The following HEATR3 variants were observed in gnomAD, a reference collection of about 807,000 sequenced individuals.
HEATR3 encodes the protein HEAT repeat-containing protein 3.
A neutral mutation model predicts 72.8 loss-of-function variants in HEATR3; 56 were observed. The observed-to-expected ratio is 0.77, with a 90% CI of 0.62 to 0.96. HEATR3 has a LOEUF of 0.96. Among genes scored for constraint, HEATR3 ranks in the 40% least tolerant of loss-of-function variants. The probability of loss-of-function intolerance (pLI) is 0.00; values close to 1 mark genes in which losing one functional copy is unlikely to be tolerated. For missense variants in HEATR3, 747 were observed against 831.4 expected, an observed-to-expected ratio of 0.90 and a Z score of 1.25; for synonymous variants, 331 against 318.1, an observed-to-expected ratio of 1.04 and a Z score of -0.43.
intron 14 of HEATR3, among the ~76,000 whole-genome samples, chr16:50,104,334 CAG>C (rs779602998): frequency 1.3e-5 from 2 of 152,084 alleles, no homozygotes; most frequent in African/African-American, 2.4e-5. Flanking sequence ...GCCTGGGCGA[CAG>C]AGAGAGACCC....
intron 7 of HEATR3, chr16:50,080,372 C>T (rs1225802706): frequency 3.5e-5 from 5 of 144,620 alleles, no homozygotes; most frequent in Non-Finnish European, 7.5e-5. Context: ...GACAGTTTTG[C>T]TTTTGTTGCC....
At chr16:50,089,501 G>A (rs62029883) in intron 11 of HEATR3, among the ~76,000 whole-genome samples, 11,781 of 152,114 alleles carry the variant, frequency 0.077, 547 homozygotes, top group Middle Eastern at 0.14. Context: ...GCCCATACTC[G>A]TATCCCATCT....
Position 50,082,380 on chromosome 16 carries a change from G to A in HEATR3, c.1042-1557G>A, listed in dbSNP as rs368016638. On this transcript the variant is annotated intron_variant, in intron 7 of 14. Coordinates refer to ENST00000299192, the MANE Select transcript of HEATR3 (RefSeq NM_182922.4). ...ATAAAAAAGAATAAGCCAGATTTTCGTATATTTTAAGTGAATGAGAGCCCA... is the reference window on the plus strand; with the variant it reads ...ATAAAAAAGAATAAGCCAGATTTTCATATATTTTAAGTGAATGAGAGCCCA... Among the ~76,000 whole-genome samples, 16 of 151,992 alleles carry A rather than the reference G, an allele frequency of 1.1e-4. No individual in the cohort carries two copies. In the East Asian group the frequency reaches 1.7e-3, roughly 17 times the overall value.
chr16:50,097,943 C>T (rs11076512), intron 12 of HEATR3, among the ~76,000 whole-genome samples: 1 of 149,018 alleles, frequency 6.7e-6, no homozygotes, highest in African/African-American at 2.5e-5. Flanking sequence ...AAAAAAAAAC[C>T]CTGGAATTAG....
At chr16:50,084,366 A>G (rs1450718826) in intron 9 of HEATR3, 75 bp downstream of exon 9, 6 of 1,512,846 alleles carry the variant, frequency 4.0e-6, no homozygotes, top group Non-Finnish European at 5.4e-6. Flanking sequence ...TGTGTACAAA[A>G]GAAGCAAGCT....
chr16:50,072,776 C>T, intron 5 of HEATR3, 62 bp downstream of exon 5: 1 of 1,007,246 alleles, frequency 9.9e-7, no homozygotes, highest in Non-Finnish European at 1.6e-6. Context: ...AATTTTTATG[C>T]AGCTTTGGCG....
At position 50,088,272 on chromosome 16, in the gene HEATR3, T is replaced by G. The variant is rs190373999; in HGVS notation, c.1510+1921T>G. 8.3e-4 allele frequency among the ~76,000 whole-genome samples: 126 copies of G among 152,356 alleles called. 1 individual carries two copies. Among genetic ancestry groups the G allele is most frequent in the Non-Finnish European group, 3.5e-4 (24 of 68,038 alleles). ...GTGCTGTGTGTTTAATGGTACATGTTTTTTAAGTTCTAAATTAATCTTTAA... is the reference window on the plus strand; with the variant it reads ...GTGCTGTGTGTTTAATGGTACATGTGTTTTAAGTTCTAAATTAATCTTTAA... On this transcript the variant is annotated intron_variant, in intron 11 of 14. Transcript: ENST00000299192.
At chr16:50,094,351 C>G (rs1002520216) in intron 11 of HEATR3, among the ~76,000 whole-genome samples, 1 of 152,158 alleles carries the variant, frequency 6.6e-6, no homozygotes, top group Non-Finnish European at 1.5e-5. Context: ...TACCCAGCAC[C>G]CTGATGGAGA....
At chr16:50,104,265 A>T (rs1429738156) in intron 14 of HEATR3, among the ~76,000 whole-genome samples, 3 of 152,150 alleles carry the variant, frequency 2.0e-5, no homozygotes, top group Non-Finnish European at 4.4e-5. Context: ...AGGCAGGAGG[A>T]TCACTTGCGT....
At chr16:50,100,573 A>T in intron 13 of HEATR3, 200 bp downstream of exon 13, 1 of 525,728 alleles carries the variant, frequency 1.9e-6, no homozygotes, top group Non-Finnish European at 3.3e-6. Context: ...TGAAAAGTTG[A>T]GCCACATTTT....
chr16:50,101,767 A>T (rs1597181694), intron 13 of HEATR3, among the ~76,000 whole-genome samples: 1 of 152,064 alleles, frequency 6.6e-6, no homozygotes, highest in African/African-American at 2.4e-5. Flanking sequence ...TTTTTTAGAG[A>T]TGAGGTCTTG....
intron 6 of HEATR3, among the ~76,000 whole-genome samples, chr16:50,076,252 C>T (rs72796144): frequency 0.016 from 2,459 of 151,836 alleles, 23 homozygotes; most frequent in Non-Finnish European, 0.02. Context: ...GGCTGGAGTG[C>T]GGTGGCTGGC....
chr16:50,067,689 C>T (rs2036529701), intron 2 of HEATR3, among the ~76,000 whole-genome samples: 2 of 152,180 alleles, frequency 1.3e-5, no homozygotes, highest in Admixed American at 1.3e-4. Context: ...AGAGAATGGA[C>T]TGCAGAGGGG....
rs1322277263 is a variant in HEATR3 at position 50,078,851 on chromosome 16, G to A, written c.874G>A (p.Val292Ile). The A allele has an allele frequency of 1.2e-6, 2 of 1,613,992 alleles. No homozygotes were observed. The highest frequency in any genetic ancestry group is 1.7e-6 in the Non-Finnish European group (2 of 1,180,022). Residue 292 changes from valine (V) to isoleucine (I), a missense_variant, in exon 7 of 15, where the codon GTT becomes ATT. This residue lies in a region of HEATR3 where 586 missense variants were observed against 708.8 expected (regional missense o/e 0.83). Coordinates refer to ENST00000299192, the MANE Select transcript of HEATR3 (RefSeq NM_182922.4). ...EVLGMDAGEM[V>I]IQMKEAETQR... ...TTTGGGAATGGATGCTGGTGAAATG[G>A]TTATTCAAATGAAAGAGGCTGAAAC...
chr16:50,084,985 G>A (rs1376307676), intron 10 of HEATR3, among the ~76,000 whole-genome samples: 1 of 152,126 alleles, frequency 6.6e-6, no homozygotes, highest in African/African-American at 2.4e-5. Context: ...AACTTACATT[G>A]TTGAACCAAA....
In HEATR3 at chr16:50,066,279, G is replaced by A. The variant is rs750443791; in HGVS notation, c.138+10G>A. The A allele has an allele frequency of 3.2e-6, 5 of 1,574,292 alleles. No homozygotes were observed. The highest frequency in any genetic ancestry group is 1.1e-5 in the South Asian group (1 of 87,232). ...GGAGCTGCTGGAAAAGGTGAGGCGA[G>A]GGCTCCGTCGGGCCGGGAGGCGAGA... On this transcript the variant is annotated intron_variant, in intron 1 of 14. Transcript: ENST00000299192.
rs2150595632 is a variant in HEATR3, at chr16:50,070,248, A to G, written c.470A>G (p.Glu157Gly). 1 of 1,609,002 alleles carries G rather than the reference A, an allele frequency of 6.2e-7. No homozygotes were observed. The change falls in exon 4 of 15, where the codon GAG becomes GGG. Residue 157 changes from glutamate (E) to glycine (G), a missense_variant. By Grantham distance (98) the Glu-to-Gly change is moderately conservative. Coordinates refer to ENST00000299192, the MANE Select transcript of HEATR3 (RefSeq NM_182922.4). ...EKKDQNRNSI[E>G]NIANETVNVL... is the part of the protein sequence containing the mutation. ...AAAGATCAGAACAGAAATTCTATTG[A>G]GAACATAGCCAATGAGACTGTGAAC...
intron 4 of HEATR3, among the ~76,000 whole-genome samples, chr16:50,071,487 TA>T (rs2036610345): frequency 6.6e-6 from 1 of 152,260 alleles, no homozygotes; most frequent in South Asian, 2.1e-4. Context: ...TGGAAGTTTT[TA>T]AAAAATTTCC....
chr16:50,066,823 C>T (rs1004885725), intron 2 of HEATR3: 9 of 350,162 alleles, frequency 2.6e-5, no homozygotes, highest in Non-Finnish European at 4.6e-5. Flanking sequence ...CCTTAGGGTC[C>T]CTTGCTTGGA....
Sources: gnomAD v4.1 joint callset for allele counts (sites outside exome capture counted in the v4.1 genomes callset) on GRCh38, gnomAD v4.1.1 for gene constraint, gnomAD v4.1.1 regional missense constraint, MANE v1.5 for transcripts, NCBI Gene and HGNC (gene_info 2026-07-23, HGNC 2026-07-21) for gene names.